LAMC2: variants seen among roughly 807,000 people sequenced by gnomAD.
The protein encoded by LAMC2 is laminin subunit gamma 2.
Under a neutral mutation model 140.2 loss-of-function variants are expected in LAMC2, and 97 were observed. The ratio of observed to expected loss-of-function variants is 0.69; its 90% CI spans 0.59 to 0.82. The LOEUF is 0.82. Ranked by LOEUF, LAMC2 falls within the 40% of genes least tolerant of loss-of-function variation. The pLI is 0.00. For synonymous variants in LAMC2, 513 were observed against 540.2 expected (o/e 0.95, Z 0.70); for missense variants, 1,402 against 1,476.1 (o/e 0.95, Z 0.82).
intron 15 of LAMC2, 78 bp from the exon 16 acceptor site, chr1:183,235,497 T>G: frequency 6.6e-7 from 1 of 1,518,592 alleles, no homozygotes; most frequent in Non-Finnish European, 9.1e-7. Flanking sequence ...CCGTACTCTT[T>G]GCCCTTCGTG....
intron 1 of LAMC2, 38 bp downstream of exon 1, chr1:183,186,469 G>A: frequency 6.3e-7 from 1 of 1,595,736 alleles, no homozygotes; most frequent in South Asian, 1.1e-5. Context: ...TCAGCCCTGG[G>A]CTGAGAATCT....
rs1362425551 is a variant in LAMC2 at position 183,232,310 on chromosome 1, C to G, written c.1981C>G (p.Gln661Glu). ...GRMQQAEQAL[Q>E]DILRDAQISE... Reference sequence around the variant, plus strand: ...GATGCAGCAGGCTGAGCAGGCCCTTCAGGACATTCTGAGAGATGCCCAGAT... The same window carrying G: ...GATGCAGCAGGCTGAGCAGGCCCTTGAGGACATTCTGAGAGATGCCCAGAT... The change falls in exon 13 of 23, where the codon CAG becomes GAG. Residue 661 changes from glutamine to glutamate, a missense_variant. Transcript: ENST00000264144. 6.2e-7 allele frequency: 1 copy of G among 1,613,962 alleles called. No individual in the cohort carries two copies. The highest frequency in any genetic ancestry group is 8.5e-7 in the Non-Finnish European group (1 of 1,180,044).
chr1:183,235,727 A>G lies in LAMC2; in HGVS notation c.2453A>G (p.Glu818Gly). Residue 818 changes from glutamate to glycine, a missense_variant, in exon 16 of 23, where the codon GAA (glutamate) becomes GGA (glycine). By Grantham distance (98) the Glu-to-Gly change is moderately conservative (BLOSUM62 -2). Coordinates refer to ENST00000264144, the MANE Select transcript of LAMC2 (RefSeq NM_005562.3). Reference protein sequence around the residue: ...PDGAVVQGLVEKLEKTKSLAQ... With the variant: ...PDGAVVQGLVGKLEKTKSLAQ... ...GGTGCTGTGGTGCAAGGGCTTGTGG[A>G]AAAGTACGTTCCTACGGGTCCTCCC... 5.0e-6 allele frequency: 8 copies of G among 1,614,128 alleles called. No individual in the cohort carries two copies. Among genetic ancestry groups the G allele is most frequent in the Non-Finnish European group, 6.8e-6 (8 of 1,180,018 alleles).
At position 183,232,874 on chromosome 1, in the gene LAMC2, C is replaced by G; in HGVS notation, c.2220+17C>G. 6.2e-7 allele frequency: 1 copy of G among 1,612,652 alleles called. No homozygotes were observed. Among genetic ancestry groups the G allele is most frequent in the Non-Finnish European group, 8.5e-7 (1 of 1,178,768 alleles). ...GGAAACACTGTAGGTTTTTGCTGGG[C>G]TAGAGTATTGAGAATACTGCTGTGT... On this transcript the variant is annotated intron_variant, in intron 14 of 22. Transcript: ENST00000264144.
In LAMC2 at chr1:183,243,689, G is replaced by A; in HGVS notation, c.*289G>A. The A allele has an allele frequency of 2.1e-6, 1 of 474,566 alleles. No individual in the cohort carries two copies. Among genetic ancestry groups the A allele is most frequent in the Non-Finnish European group, 3.9e-6 (1 of 258,268 alleles). 29.4% of individuals were successfully genotyped at this position (474,566 alleles called of 1,614,324 possible). ...GATGGAAAGACAAACTGCACAGGCAGATGTTTGCCTCATAATAGTCGTAAG... is the reference window on the plus strand; with the variant it reads ...GATGGAAAGACAAACTGCACAGGCAAATGTTTGCCTCATAATAGTCGTAAG... On this transcript the variant is annotated 3_prime_UTR_variant, in exon 23 of 23. Transcript: ENST00000264144.
intron 1 of LAMC2, among the ~76,000 whole-genome samples, chr1:183,203,335 C>A (rs1658780333): frequency 6.6e-6 from 1 of 152,156 alleles, no homozygotes; most frequent in Non-Finnish European, 1.5e-5. Context: ...CCTTTGGCAA[C>A]TGGTAGTTGC....
chr1:183,206,676 A>G (rs1048987377), intron 1 of LAMC2, among the ~76,000 whole-genome samples: 2 of 150,704 alleles, frequency 1.3e-5, no homozygotes, highest in African/African-American at 4.9e-5. Context: ...AAAGATGTAC[A>G]TTGTCCCCTT....
intron 4 of LAMC2, among the ~76,000 whole-genome samples, chr1:183,219,612 TCCCTCCCCACTCCTC>T (rs1472349849): frequency 3.9e-5 from 6 of 152,134 alleles, no homozygotes; most frequent in African/African-American, 1.4e-4. Context: ...TCTTTTGTCT[TCCCTCCCCACTCCTC>T]CCCTCCCATC....
the LAMC2 span, among the ~76,000 whole-genome samples, chr1:183,257,398 G>T: frequency 6.6e-6 from 1 of 152,094 alleles, no homozygotes; most frequent in Non-Finnish European, 1.5e-5. Context: ...CCAAGATCAC[G>T]CTATTGCACT....
chr1:183,221,661 G>A (rs1188020481), intron 5 of LAMC2, among the ~76,000 whole-genome samples: 2 of 151,748 alleles, frequency 1.3e-5, no homozygotes, highest in African/African-American at 4.8e-5. Flanking sequence ...CCCGGGAGGC[G>A]GAGCTTGCAG....
At chr1:183,238,450 AGTATTTT>A in intron 19 of LAMC2, 29 bp downstream of exon 19, 2 of 1,456,292 alleles carry the variant, frequency 1.4e-6, no homozygotes, top group Non-Finnish European at 1.9e-6. Flanking sequence ...AGGTCACTTG[AGTATTTT>A]AAGTGTATAG....
intron 7 of LAMC2, among the ~76,000 whole-genome samples, chr1:183,223,607 T>C (rs1659541011): frequency 6.6e-6 from 1 of 152,058 alleles, no homozygotes; most frequent in Non-Finnish European, 1.5e-5. Flanking sequence ...AAAGGAGGCA[T>C]GACTGACCCA....
chr1:183,194,379 A>G (rs1658448073), intron 1 of LAMC2, among the ~76,000 whole-genome samples: 2 of 152,160 alleles, frequency 1.3e-5, no homozygotes, highest in Non-Finnish European at 2.9e-5. Flanking sequence ...AATGGTATGT[A>G]AGCCCACACA....
At chr1:183,221,067 C>A in intron 5 of LAMC2, 106 bp downstream of exon 5, 2 of 1,081,098 alleles carry the variant, frequency 1.8e-6, no homozygotes, top group Admixed American at 1.9e-5. Flanking sequence ...TTTAGAAATT[C>A]TCTTATAGTA....
At chr1:183,229,909 T>A (rs1239191478) in intron 11 of LAMC2, among the ~76,000 whole-genome samples, 1 of 152,184 alleles carries the variant, frequency 6.6e-6, no homozygotes, top group East Asian at 1.9e-4. Flanking sequence ...AAAGCCCATA[T>A]GACACCAACA....
chr1:183,202,801 C>A (rs1658753639), intron 1 of LAMC2, among the ~76,000 whole-genome samples: 1 of 152,122 alleles, frequency 6.6e-6, no homozygotes, highest in Admixed American at 6.6e-5. Flanking sequence ...TCTTTCCCCC[C>A]AAATTGCATG....
At chr1:183,247,645 T>C (rs1660267360), downstream of LAMC2, among the ~76,000 whole-genome samples, 1 of 151,954 alleles carries the variant, frequency 6.6e-6, no homozygotes, top group Non-Finnish European at 1.5e-5. Flanking sequence ...GCCAGCCTAA[T>C]AGGGAATTAC....
At position 183,239,424 on chromosome 1, in the gene LAMC2, C is replaced by G; in HGVS notation, c.2930C>G (p.Ser977Cys). The G allele has an allele frequency of 6.2e-7, 1 of 1,614,178 alleles. No individual in the cohort carries two copies. The highest frequency in any genetic ancestry group is 8.5e-7 in the Non-Finnish European group (1 of 1,180,014). Residue 977 changes from serine (S) to cysteine (C), a missense_variant, in exon 20 of 23, where the codon TCC (serine) becomes TGC (cysteine). Ser to Cys is a moderately radical substitution (Grantham distance 112). Coordinates refer to ENST00000264144, the MANE Select transcript of LAMC2 (RefSeq NM_005562.3). ...AEAEEAMKRL[S>C]YISQKVSDAS... Reference sequence around the variant, plus strand: ...GCTGAAGAAGCCATGAAGAGACTCTCCTACATCAGCCAGAAGGTTTCAGAT... The same window carrying G: ...GCTGAAGAAGCCATGAAGAGACTCTGCTACATCAGCCAGAAGGTTTCAGAT...
chr1:183,191,689 C>G (rs1438442271), intron 1 of LAMC2, among the ~76,000 whole-genome samples: 1 of 152,072 alleles, frequency 6.6e-6, no homozygotes, highest in African/African-American at 2.4e-5. Flanking sequence ...GAAACCCTGT[C>G]TCTACTAAAA....
Sources: allele counts gnomAD v4.1 joint callset (sites outside exome capture counted in the v4.1 genomes callset), GRCh38; gene constraint gnomAD v4.1.1; transcripts MANE v1.5; gene names NCBI Gene and HGNC (gene_info 2026-07-23, HGNC 2026-07-21).